ZXDC: variants seen among roughly 807,000 people sequenced by gnomAD.
ZXDC encodes the protein ZXD family zinc finger C.
Under a neutral mutation model 63.6 loss-of-function variants are expected in ZXDC, and 58 were observed. The observed-to-expected ratio is 0.91, with a 90% CI of 0.74 to 1.13. The LOEUF is 1.13. Ranked by LOEUF, ZXDC falls within the 50% of genes most tolerant of loss-of-function variation. The pLI is 0.00. For synonymous variants in ZXDC, 561 were observed against 496.1 expected, an observed-to-expected ratio of 1.13 and a Z score of -1.74; for missense variants, 1,133 against 1,148.9, an observed-to-expected ratio of 0.99 and a Z score of 0.20.
intron 9 of ZXDC, among the ~76,000 whole-genome samples, chr3:126,439,014 C>A (rs559025044): frequency 6.6e-6 from 1 of 152,320 alleles, no homozygotes; most frequent in Admixed American, 6.5e-5. Flanking sequence ...GTTCTCTGAT[C>A]CATGCTGCCA....
At chr3:126,472,598 C>T (rs572362940) in intron 1 of ZXDC, among the ~76,000 whole-genome samples, 3 of 152,268 alleles carry the variant, frequency 2.0e-5, no homozygotes, top group South Asian at 2.1e-4. Flanking sequence ...TGGCCGGCTC[C>T]GGAGCACTGA....
chr3:126,449,662 A>C (rs1172158412), intron 7 of ZXDC, among the ~76,000 whole-genome samples: 1 of 152,156 alleles, frequency 6.6e-6, no homozygotes, highest in Non-Finnish European at 1.5e-5. Flanking sequence ...CCTCCTCCCA[A>C]AGGCTGGAGA....
chr3:126,461,753 T>C lies in ZXDC; in HGVS notation c.1909A>G (p.Ile637Val). Residue 637 changes from isoleucine (I) to valine (V), a missense_variant, in exon 6 of 10, where the codon ATC becomes GTC. Coordinates refer to ENST00000389709, the MANE Select transcript of ZXDC (RefSeq NM_025112.5). ...GTGCTCGAAGAGGTCGGTGTGGTGA[T>C]ATGTGCTGCTAAGTTACTATTGGAG... ...LTSNSNLAAH[I>V]TTPTSSSTPR... is the part of the protein sequence containing the mutation. 1 of 1,613,924 alleles carries C rather than the reference T, an allele frequency of 6.2e-7. No individual in the cohort carries two copies. The highest frequency in any genetic ancestry group is 1.1e-5 in the South Asian group (1 of 91,048).
At chr3:126,474,888 T>TG in intron 1 of ZXDC, 71 bp downstream of exon 1, 1 of 1,479,246 alleles carries the variant, frequency 6.8e-7, no homozygotes, top group South Asian at 1.3e-5. Context: ...GGCCCCTCTG[T>TG]GGGGCGGACG....
chr3:126,466,332 CAA>C lies in ZXDC; in HGVS notation c.1271-9_1271-8del, dbSNP rs778119128. On this transcript the variant is annotated splice_polypyrimidine_tract_variant and splice_region_variant and intron_variant, in intron 4 of 9. Coordinates refer to ENST00000389709, the MANE Select transcript of ZXDC (RefSeq NM_025112.5). The stretch of plus-strand genomic sequence containing the variant: ...GAGAACCTCGCGCAACATCCTGGAA[CAA>C]AAAGAGTAATGAGAGTGAAACCCAA... 2 of 1,613,698 alleles carry C rather than the reference CAA, an allele frequency of 1.2e-6. No homozygotes were observed. The highest frequency in any genetic ancestry group is 2.2e-5 in the East Asian group (1 of 44,864).
At chr3:126,449,698 G>A (rs1934020036) in intron 7 of ZXDC, among the ~76,000 whole-genome samples, 1 of 152,206 alleles carries the variant, frequency 6.6e-6, no homozygotes, top group African/African-American at 2.4e-5. Context: ...CAGGAGTCAA[G>A]GGACTTTCCA....
intron 9 of ZXDC, among the ~76,000 whole-genome samples, chr3:126,439,345 C>T (rs1933585273): frequency 6.6e-6 from 1 of 152,244 alleles, no homozygotes; most frequent in African/African-American, 2.4e-5. Context: ...GGGCCCTGGC[C>T]AGCCCTCTTC....
chr3:126,469,685 A>G (rs542826929), intron 4 of ZXDC, among the ~76,000 whole-genome samples: 21 of 152,002 alleles, frequency 1.4e-4, no homozygotes, highest in South Asian at 1.0e-3. Flanking sequence ...TCCGCCTCCA[A>G]CACCCACACG....
Position 126,441,824 on chromosome 3 carries a change from G to A in ZXDC, c.2335C>T (p.Pro779Ser). The stretch of plus-strand genomic sequence containing the variant: ...CACTGCACCCCAGCTGCTGGAGCTG[G>A]TCCTGGCCGTCCTCCGCTGGGCACC... ...LVVPSGGRPGPAPAAGVQCGA... is the reference protein window; with the variant it reads ...LVVPSGGRPGSAPAAGVQCGA... Residue 779 changes from proline to serine, a missense_variant, in exon 8 of 10, where the codon CCA (proline) becomes TCA (serine). Pro to Ser is a moderately conservative substitution (Grantham distance 74). Transcript: ENST00000389709. The A allele has an allele frequency of 6.2e-7, 1 of 1,613,646 alleles. No individual in the cohort carries two copies. The highest frequency in any genetic ancestry group is 8.5e-7 in the Non-Finnish European group (1 of 1,179,898).
At chr3:126,465,276 G>A (rs1385437293) in intron 5 of ZXDC, among the ~76,000 whole-genome samples, 1 of 152,242 alleles carries the variant, frequency 6.6e-6, no homozygotes, top group East Asian at 1.9e-4. Flanking sequence ...CCCCAGAGGG[G>A]CCGCCACCAC....
At chr3:126,449,054 G>A (rs1015405420) in intron 7 of ZXDC, among the ~76,000 whole-genome samples, 4 of 152,254 alleles carry the variant, frequency 2.6e-5, no homozygotes, top group East Asian at 1.9e-4. Flanking sequence ...GGCCAGCTCC[G>A]GAGGCCTCAG....
chr3:126,466,332 C>CA lies in ZXDC; in HGVS notation c.1271-8dup, dbSNP rs778119128. 1 of 1,613,580 alleles carries CA rather than the reference C, an allele frequency of 6.2e-7. No individual in the cohort carries two copies. The highest frequency in any genetic ancestry group is 1.3e-5 in the African/African-American group (1 of 74,848). On this transcript the variant is annotated splice_polypyrimidine_tract_variant and splice_region_variant and intron_variant, in intron 4 of 9. Transcript: ENST00000389709. ...GAGAACCTCGCGCAACATCCTGGAA[C>CA]AAAAAGAGTAATGAGAGTGAAACCC...
In ZXDC at chr3:126,466,240, A is replaced by T; in HGVS notation, c.1356T>A (p.Arg452=). 6.2e-7 allele frequency: 1 copy of T among 1,614,230 alleles called. No individual in the cohort carries two copies. Among genetic ancestry groups the T allele is most frequent in the Admixed American group, 1.7e-5 (1 of 60,020 alleles). Residue 452 remains arginine (R), a synonymous_variant, in exon 5 of 10, where the codon CGT becomes CGA. Coordinates refer to ENST00000389709, the MANE Select transcript of ZXDC (RefSeq NM_025112.5). ...HVQDVGAPKS[R]CPVSTCNRLF... ...GTCTGTTGCAGGTAGAAACTGGGCAACGGCTTTTCGGAGCACCCACATCCT... is the reference window on the plus strand; with the variant it reads ...GTCTGTTGCAGGTAGAAACTGGGCATCGGCTTTTCGGAGCACCCACATCCT...
intron 4 of ZXDC, among the ~76,000 whole-genome samples, chr3:126,467,788 T>G (rs967384922): frequency 1.3e-5 from 2 of 152,056 alleles, no homozygotes; most frequent in African/African-American, 2.4e-5. Context: ...CTTTCCCAGC[T>G]GGGGGTCCTG....
intron 7 of ZXDC, chr3:126,455,126 T>C (rs1934254606): frequency 7.1e-6 from 7 of 984,598 alleles, no homozygotes; most frequent in Non-Finnish European, 8.4e-6. Context: ...CAATCACAAA[T>C]GTTGAAACCA....
At chr3:126,454,812 A>C in intron 7 of ZXDC, 2 of 985,478 alleles carry the variant, frequency 2.0e-6, no homozygotes, top group Non-Finnish European at 2.4e-6. Flanking sequence ...TTCAAGAATA[A>C]AACTTGACAT....
Position 126,475,554 on chromosome 3 carries a change from C to G in ZXDC, c.312G>C (p.Leu104=). The G allele has an allele frequency of 7.2e-7, 1 of 1,392,810 alleles. No homozygotes were observed. The highest frequency in any genetic ancestry group is 3.0e-5 in the East Asian group (1 of 33,700). The allele number at this position is 1,392,810 out of a possible 1,614,324, so 86.3% of individuals were successfully genotyped here. A position where few individuals can be genotyped will look rare whatever the true frequency, so the allele number is the denominator to read the frequency against. The change falls in exon 1 of 10, where the codon CTG becomes CTC. Residue 104 remains leucine, a synonymous_variant. Transcript: ENST00000389709. ...TGGGGCCCTGCTCGGGGCGGCTCGC[C>G]AGGTTGACACGGGAGCCAGGCTCGG... The part of the protein sequence containing the change: ...QEAEPGSRVN[L]ASRPEQGPSG...
Position 126,475,414 on chromosome 3 carries a change from G to C in ZXDC, c.452C>G (p.Pro151Arg). The change falls in exon 1 of 10, where the codon CCC becomes CGC. Residue 151 changes from proline to arginine, a missense_variant. Physicochemically the swap from Pro to Arg is moderately radical, Grantham distance 103. Coordinates refer to ENST00000389709, the MANE Select transcript of ZXDC (RefSeq NM_025112.5). ...GGCGGCGCCCGCGGTTGCGGGGCCG[G>C]GCGGCGCAGACAGCGCGAGGACGCC... Reference protein sequence around the residue: ...DRGVLALSAPPGPATAGAAAP... With the variant: ...DRGVLALSAPRGPATAGAAAP... The C allele has an allele frequency of 8.4e-7, 1 of 1,187,242 alleles. No homozygotes were observed. Among genetic ancestry groups the C allele is most frequent in the Non-Finnish European group, 1.0e-6 (1 of 959,016 alleles). The allele number at this position is 1,187,242 out of a possible 1,614,324, so 73.5% of individuals were successfully genotyped here.
At chr3:126,444,315 A>ATG in intron 7 of ZXDC, among the ~76,000 whole-genome samples, 1 of 152,180 alleles carries the variant, frequency 6.6e-6, no homozygotes, top group Non-Finnish European at 1.5e-5. Flanking sequence ...GGCAGATTAC[A>ATG]AGGTCAGGAG....
Sources: gnomAD v4.1 joint callset for allele counts (sites outside exome capture counted in the v4.1 genomes callset) on GRCh38, gnomAD v4.1.1 for gene constraint, MANE v1.5 for transcripts, NCBI Gene and HGNC (gene_info 2026-07-23, HGNC 2026-07-21) for gene names.